Variants in VPS26C observed in about 807,000 individuals in gnomAD.
VPS26C encodes the protein vacuolar protein sorting-associated protein 26C.
In VPS26C, 19 loss-of-function variants were observed where a neutral mutation model predicts 30.6. The observed-to-expected ratio is 0.62, with a 90% confidence interval of 0.43 to 0.91. The LOEUF is 0.91. VPS26C is among the 40% of genes least tolerant of loss of function. VPS26C has a pLI of 0.00. For missense variants in VPS26C, 318 were observed against 385.1 expected (o/e 0.83, Z 1.46); for synonymous variants, 132 against 151.5 (o/e 0.87, Z 0.95).
chr21:37,267,696 G>T, upstream of VPS26C: 1 of 273,164 alleles, frequency 3.7e-6, no homozygotes, highest in Non-Finnish European at 7.1e-6. Flanking sequence ...CTGTCTGTCG[G>T]TTGCAGCCTG....
At chr21:37,267,030 G>T in intron 1 of VPS26C, 1 of 610,944 alleles carries the variant, frequency 1.6e-6, no homozygotes, top group Non-Finnish European at 2.9e-6. Context: ...CGCCTGCCCT[G>T]GGGCCTCCTC....
In VPS26C at chr21:37,225,566, G is replaced by A. The variant is rs761067563; in HGVS notation, c.872C>T (p.Pro291Leu). 19 of 1,614,084 alleles carry A rather than the reference G, an allele frequency of 1.2e-5. No homozygotes were observed. Among genetic ancestry groups the A allele is most frequent in the Middle Eastern group, 1.7e-4 (1 of 6,042 alleles). The change falls in exon 8 of 8, where the codon CCG (proline) becomes CTG (leucine). Residue 291 changes from proline (P) to leucine (L), a missense_variant. By Grantham distance (98) the Pro-to-Leu change is moderately conservative. Coordinates refer to ENST00000309117, the MANE Select transcript of VPS26C (RefSeq NM_006052.2). ...HPDHLITENFPLKLCRI is the reference protein window; with the variant it reads ...HPDHLITENFLLKLCRI ...GGGCTATATCCTGCAGAGCTTCAGC[G>A]GGAAGTTCTCCGTGATGAGGTGGTC...
chr21:37,240,817 G>A (rs2086079451), intron 1 of VPS26C, among the ~76,000 whole-genome samples, 178 bp from the exon 2 acceptor site: 1 of 152,222 alleles, frequency 6.6e-6, no homozygotes, highest in African/African-American at 2.4e-5. Context: ...GATGCCCACT[G>A]ATAATGACGT....
chr21:37,242,531 A>G (rs1325513325), intron 1 of VPS26C, among the ~76,000 whole-genome samples: 1 of 152,216 alleles, frequency 6.6e-6, no homozygotes, highest in East Asian at 1.9e-4. Context: ...GGCTACAGTG[A>G]GCCATGAATG....
At chr21:37,225,730 C>T in intron 7 of VPS26C, 104 bp from the exon 8 acceptor site, 2 of 971,114 alleles carry the variant, frequency 2.1e-6, no homozygotes, top group Non-Finnish European at 3.2e-6. Context: ...CGAAGGAGCA[C>T]CCGGTGCGGG....
intron 4 of VPS26C, chr21:37,232,767 G>A: frequency 2.4e-6 from 1 of 422,992 alleles, no homozygotes. Context: ...CCTCAGCACA[G>A]TGACCCTCCA....
At position 37,238,375 on chromosome 21, in the gene VPS26C, C is replaced by T. The variant is rs192809118; in HGVS notation, c.351+85G>A. 2,633 of 1,475,830 alleles carry T rather than the reference C, an allele frequency of 1.8e-3. 7 individuals carry two copies. The highest frequency in any genetic ancestry group is 2.2e-3 in the Non-Finnish European group (2,437 of 1,087,860). The allele number at this position is 1,475,830 out of a possible 1,614,324, so 91.4% of individuals were successfully genotyped here. A position where few individuals can be genotyped will look rare whatever the true frequency, so the allele number is the denominator to read the frequency against. ...AAACACAGTATTAAATTCTTGGGCCCGTCTACTAACGTTGAGAGAAAGACC... is the reference window on the plus strand; with the variant it reads ...AAACACAGTATTAAATTCTTGGGCCTGTCTACTAACGTTGAGAGAAAGACC... On this transcript the variant is annotated intron_variant, in intron 3 of 7. Transcript: ENST00000309117.
chr21:37,238,045 AG>A (rs1437440266), intron 3 of VPS26C, among the ~76,000 whole-genome samples: 3 of 152,258 alleles, frequency 2.0e-5, no homozygotes, highest in Non-Finnish European at 4.4e-5. Flanking sequence ...AGGTTTGTTC[AG>A]TAAAGAACAC....
chr21:37,256,212 G>A (rs1478458658), intron 1 of VPS26C, among the ~76,000 whole-genome samples: 1 of 152,188 alleles, frequency 6.6e-6, no homozygotes, highest in African/African-American at 2.4e-5. Flanking sequence ...GGGTTGGCAT[G>A]AAAAAACTTC....
At chr21:37,243,030 G>A (rs975357192) in intron 1 of VPS26C, among the ~76,000 whole-genome samples, 5 of 152,156 alleles carry the variant, frequency 3.3e-5, no homozygotes, top group South Asian at 2.1e-4. Flanking sequence ...ACCTGAGGCC[G>A]AGGGCCAAGG....
At chr21:37,262,480 A>G (rs1416951256) in intron 1 of VPS26C, among the ~76,000 whole-genome samples, 2 of 152,176 alleles carry the variant, frequency 1.3e-5, no homozygotes, top group East Asian at 3.8e-4. Context: ...TTTATTTTAT[A>G]TATTTGCCTA....
intron 1 of VPS26C, among the ~76,000 whole-genome samples, chr21:37,242,761 G>C (rs1020541229): frequency 2.6e-5 from 4 of 152,092 alleles, no homozygotes; most frequent in Non-Finnish European, 4.4e-5. Flanking sequence ...TCAGTCTCAC[G>C]GGAACAGGTC....
intron 1 of VPS26C, among the ~76,000 whole-genome samples, chr21:37,256,800 G>A (rs1027837116): frequency 8.5e-5 from 13 of 152,134 alleles, no homozygotes; most frequent in Non-Finnish European, 1.3e-4. Context: ...ACATATTTGC[G>A]TTTGTATGAC....
intron 5 of VPS26C, chr21:37,228,927 G>GGAGACA (rs2085933418): frequency 6.6e-6 from 1 of 152,384 alleles, no homozygotes; most frequent in African/African-American, 2.4e-5. Flanking sequence ...CAGTTACGTG[G>GGAGACA]GAGGCAGAGG....
intron 1 of VPS26C, 96 bp downstream of exon 1, chr21:37,267,142 G>T: frequency 8.6e-7 from 1 of 1,163,262 alleles, no homozygotes; most frequent in Non-Finnish European, 1.3e-6. Flanking sequence ...GCCCTGCCCC[G>T]CCTAGGGACG....
At chr21:37,237,089 C>T (rs931548347) in intron 3 of VPS26C, among the ~76,000 whole-genome samples, 6 of 152,148 alleles carry the variant, frequency 3.9e-5, no homozygotes, top group Non-Finnish European at 7.3e-5. Flanking sequence ...CCAGCACACA[C>T]GTTTTCTATG....
At position 37,232,306 on chromosome 21, in the gene VPS26C, G is replaced by C. The variant is rs189292918; in HGVS notation, c.507+71C>G. 7.6e-4 allele frequency: 991 copies of C among 1,296,634 alleles called. 8 individuals are homozygous for C. The highest frequency in any genetic ancestry group is 6.0e-5 in the Non-Finnish European group (54 of 900,528). The allele number at this position is 1,296,634 out of a possible 1,614,324, so 80.3% of individuals were successfully genotyped here. A position where few individuals can be genotyped will look rare whatever the true frequency, so the allele number is the denominator to read the frequency against. On this transcript the variant is annotated intron_variant, in intron 5 of 7. Transcript: ENST00000309117. ...TGATTTCCAAATGAAGACCACCCGG[G>C]CAATAGCTAGTCCGTGGGGTCTGGC...
Position 37,240,648 on chromosome 21 carries a change from G to A in VPS26C, c.58-9C>T, listed in dbSNP as rs1250707477. ...ACGCCAGAGAGCACTTCCTGGGAGA[G>A]AAAAGACAGCCACCAATCAAATTAG... On this transcript the variant is annotated splice_polypyrimidine_tract_variant and intron_variant, in intron 1 of 7. Coordinates refer to ENST00000309117, the MANE Select transcript of VPS26C (RefSeq NM_006052.2). 6.2e-6 allele frequency: 10 copies of A among 1,609,540 alleles called. No homozygotes were observed. The highest frequency in any genetic ancestry group is 1.7e-5 in the Admixed American group (1 of 58,768).
chr21:37,245,274 C>T (rs370369051), intron 1 of VPS26C, among the ~76,000 whole-genome samples: 2 of 152,188 alleles, frequency 1.3e-5, no homozygotes, highest in Non-Finnish European at 2.9e-5. Flanking sequence ...AGCAGCTCAC[C>T]ATCTCAAGCA....
Sources: gnomAD v4.1 joint callset for allele counts (sites outside exome capture counted in the v4.1 genomes callset) on GRCh38, gnomAD v4.1.1 for gene constraint, MANE v1.5 for transcripts, NCBI Gene and HGNC (gene_info 2026-07-23, HGNC 2026-07-21) for gene names.